Variants in NUTM2G observed in about 807,000 individuals in gnomAD.
NUTM2G encodes NUT family member 2G.
In NUTM2G, 29 loss-of-function variants were observed where a neutral mutation model predicts 44.3. The ratio of observed to expected loss-of-function variants is 0.66; its 90% CI spans 0.49 to 0.89. The LOEUF is 0.89. Among genes scored for constraint, NUTM2G ranks in the 40% least tolerant of loss-of-function variants. The probability of loss-of-function intolerance (pLI) is 0.00; values close to 1 mark genes in which losing one functional copy is unlikely to be tolerated. For synonymous variants in NUTM2G, 205 were observed against 395.9 expected (o/e 0.52, Z 5.72); for missense variants, 502 against 946.5 (o/e 0.53, Z 6.16).
chr9:96,937,170 C>T lies in NUTM2G; in HGVS notation c.1089C>T (p.Pro363=). Residue 363 remains proline (P), a synonymous_variant, in exon 5 of 7, where the codon CCC becomes CCT. Coordinates refer to ENST00000372322, the MANE Select transcript of NUTM2G (RefSeq NM_001170741.3). The part of the protein sequence containing the change: ...ETKAHLPPPR[P]PRPAETKVPE... ...AGGCCCACCTGCCACCACCCAGGCC[C>T]CCGAGGCCAGCAGAGACCAAGGTCC... The T allele has an allele frequency of 6.2e-7, 1 of 1,612,484 alleles. No homozygotes were observed. Among genetic ancestry groups the T allele is most frequent in the Non-Finnish European group, 8.5e-7 (1 of 1,179,858 alleles).
intron 4 of NUTM2G, 74 bp downstream of exon 4, chr9:96,936,638 C>T: frequency 6.6e-7 from 1 of 1,510,292 alleles, no homozygotes; most frequent in Non-Finnish European, 8.8e-7. Flanking sequence ...GTCCCCACAT[C>T]CCATGCTTCC....
intron 5 of NUTM2G, among the ~76,000 whole-genome samples, chr9:96,937,614 GGT>G (rs1488738025): frequency 2.6e-5 from 4 of 152,070 alleles, no homozygotes; most frequent in African/African-American, 4.8e-5. Context: ...TGTGGGTGTG[GGT>G]GTGAGTCTGG....
Position 96,931,875 on chromosome 9 carries a change from C to CT in NUTM2G, c.171dup (p.Ala58CysfsTer91), listed in dbSNP as rs1187409674. On this transcript the variant is annotated frameshift_variant, in exon 2 of 7. Coordinates refer to ENST00000372322, the MANE Select transcript of NUTM2G (RefSeq NM_001170741.3). LOFTEE classifies it high-confidence loss of function. ...CCTCCAGCCGGCCCTCTGGTGCTCT[C>CT]TGCCTTCCCCAGCACCCCTCTAGTG... The CT allele has an allele frequency of 6.2e-7, 1 of 1,612,346 alleles. No homozygotes were observed. The highest frequency in any genetic ancestry group is 8.5e-7 in the Non-Finnish European group (1 of 1,179,864).
downstream of NUTM2G, chr9:96,940,201 C>T (rs1358155748): frequency 1.3e-5 from 2 of 148,316 alleles, no homozygotes. Flanking sequence ...GGGGCCCAGG[C>T]CGAGAGGGGC....
Position 96,938,532 on chromosome 9 carries a change from C to T in NUTM2G, c.1609C>T (p.Pro537Ser), listed in dbSNP as rs2119044936. Reference sequence around the variant, plus strand: ...AAGGGTCAGCGTGGAAACCTCCCCACCCCAGACGGCTGCCCAGGACCCTCA... The same window carrying T: ...AAGGGTCAGCGTGGAAACCTCCCCATCCCAGACGGCTGCCCAGGACCCTCA... ...QQRVSVETSP[P>S]QTAAQDPQGQ... The change falls in exon 7 of 7, where the codon CCC becomes TCC. Residue 537 changes from proline (P) to serine (S), a missense_variant. Pro to Ser is a moderately conservative substitution (Grantham distance 74). Coordinates refer to ENST00000372322, the MANE Select transcript of NUTM2G (RefSeq NM_001170741.3). 2 of 1,613,636 alleles carry T rather than the reference C, an allele frequency of 1.2e-6. No individual in the cohort carries two copies. The highest frequency in any genetic ancestry group is 1.1e-5 in the South Asian group (1 of 91,070).
Position 96,932,433 on chromosome 9 carries a change from G to C in NUTM2G, c.713+15G>C. On this transcript the variant is annotated intron_variant, in intron 2 of 6. Transcript: ENST00000372322. ...TGCTTCCTCATGTGAGTGTCCTCGG[G>C]GCGCCGGAGCTTGTCCTGCAGCTCA... 6.5e-7 allele frequency: 1 copy of C among 1,527,848 alleles called. No homozygotes were observed. The allele number at this position is 1,527,848 out of a possible 1,614,324, so 94.6% of individuals were successfully genotyped here. A position where few individuals can be genotyped will look rare whatever the true frequency, so the allele number is the denominator to read the frequency against.
chr9:96,932,959 CTTTCTTTTCTTTTCT>C (rs1171504742), intron 2 of NUTM2G, among the ~76,000 whole-genome samples: 2 of 148,894 alleles, frequency 1.3e-5, no homozygotes, highest in Non-Finnish European at 3.0e-5. Context: ...CCAATACTTA[CTTTCTTTTCTTTTCT>C]TTTCTTTTTT....
chr9:96,929,776 G>A (rs989848032), intron 1 of NUTM2G, among the ~76,000 whole-genome samples: 26 of 152,092 alleles, frequency 1.7e-4, no homozygotes, highest in Non-Finnish European at 3.1e-4. Flanking sequence ...ACTTCCTCTC[G>A]TCAGCTAGCT....
chr9:96,936,535 C>A lies in NUTM2G; in HGVS notation c.953C>A (p.Pro318His). ...PAPPRLEPRG[P>H]PAPEVVKQPV... ...CCGCCGAGGCTTGAACCTCGAGGAC[C>A]CCCTGCCCCTGAGGTGGTCAAGCAG... Residue 318 changes from proline to histidine, a missense_variant, in exon 4 of 7, where the codon CCC becomes CAC. Pro to His is a moderately conservative substitution (Grantham distance 77). Coordinates refer to ENST00000372322, the MANE Select transcript of NUTM2G (RefSeq NM_001170741.3). 3 of 1,553,964 alleles carry A rather than the reference C, an allele frequency of 1.9e-6. No homozygotes were observed. Among genetic ancestry groups the A allele is most frequent in the Non-Finnish European group, 2.6e-6 (3 of 1,157,598 alleles).
intron 3 of NUTM2G, among the ~76,000 whole-genome samples, chr9:96,935,657 G>A (rs892809126): frequency 1.3e-5 from 2 of 152,212 alleles, no homozygotes; most frequent in African/African-American, 2.4e-5. Flanking sequence ...CTCTTGGGAA[G>A]CACCCCCTGC....
intron 2 of NUTM2G, 102 bp from the exon 3 acceptor site, chr9:96,935,226 G>T: frequency 6.5e-7 from 1 of 1,537,378 alleles, no homozygotes; most frequent in Non-Finnish European, 8.9e-7. Flanking sequence ...AGGGACAGAT[G>T]GCAGGACAGG....
chr9:96,935,179 C>A, intron 2 of NUTM2G, 149 bp from the exon 3 acceptor site: 1 of 1,416,238 alleles, frequency 7.1e-7, no homozygotes, highest in South Asian at 1.3e-5. Flanking sequence ...GGGGTGTGTC[C>A]TGGAGGCTGA....
At position 96,937,251 on chromosome 9, in the gene NUTM2G, G is replaced by A; in HGVS notation, c.1170G>A (p.Leu390=). ...VQEYVDIMEE[L]LGSHPGDTGE... The stretch of plus-strand genomic sequence containing the variant: ...AGTATGTGGACATCATGGAGGAGCT[G>A]CTGGGGTCTCACCCTGGGGACACAG... The change falls in exon 5 of 7, where the codon CTG becomes CTA. Residue 390 remains leucine, a synonymous_variant. Transcript: ENST00000372322. 11 of 1,613,476 alleles carry A rather than the reference G, an allele frequency of 6.8e-6. No homozygotes were observed. Among genetic ancestry groups the A allele is most frequent in the Non-Finnish European group, 5.9e-6 (7 of 1,179,850 alleles).
chr9:96,929,184 T>G (rs1296237132), intron 1 of NUTM2G, 144 bp downstream of exon 1: 9 of 1,294,224 alleles, frequency 7.0e-6, no homozygotes, highest in Non-Finnish European at 9.9e-6. Context: ...CACCTGGGGA[T>G]GGCCATGGCA....
intron 3 of NUTM2G, 71 bp from the exon 4 acceptor site, chr9:96,936,354 G>T (rs2257632): frequency 6.5e-7 from 1 of 1,537,428 alleles, no homozygotes. Flanking sequence ...CCCTGCCCTC[G>T]GCTGCTGCCT....
intron 1 of NUTM2G, among the ~76,000 whole-genome samples, chr9:96,929,971 T>TATC (rs1214098423): frequency 1.3e-5 from 2 of 151,958 alleles, no homozygotes; most frequent in Admixed American, 1.3e-4. Flanking sequence ...AAGACAGTCC[T>TATC]ATTATTATTA....
chr9:96,942,054 G>A (rs2119051783), downstream of NUTM2G, among the ~76,000 whole-genome samples: 1 of 151,996 alleles, frequency 6.6e-6, no homozygotes, highest in Non-Finnish European at 1.5e-5. Context: ...GGGAGCCAGT[G>A]CAGTTGGGGC....
At chr9:96,931,090 G>A (rs1169146486) in intron 1 of NUTM2G, among the ~76,000 whole-genome samples, 1 of 151,746 alleles carries the variant, frequency 6.6e-6, no homozygotes, top group African/African-American at 2.4e-5. Context: ...GTTTCACCAC[G>A]TTGGCCAGAC....
Position 96,935,399 on chromosome 9 carries a change from G to T in NUTM2G, c.785G>T (p.Arg262Leu). 1 of 1,612,056 alleles carries T rather than the reference G, an allele frequency of 6.2e-7. No individual in the cohort carries two copies. The highest frequency in any genetic ancestry group is 8.5e-7 in the Non-Finnish European group (1 of 1,179,866). ...GAGGAGGGACTGTGGCGGGCCATGC[G>T]GGAATGGCAGCACACGAGCAACTTT... ...TLEEGLWRAM[R>L]EWQHTSNFDR... Residue 262 changes from arginine to leucine, a missense_variant, in exon 3 of 7, where the codon CGG (arginine) becomes CTG (leucine). Physicochemically the swap from Arg to Leu is moderately radical, Grantham distance 102. Coordinates refer to ENST00000372322, the MANE Select transcript of NUTM2G (RefSeq NM_001170741.3).
Sources: gnomAD v4.1 joint callset for allele counts (sites outside exome capture counted in the v4.1 genomes callset) on GRCh38, gnomAD v4.1.1 for gene constraint, MANE v1.5 for transcripts, NCBI Gene and HGNC (gene_info 2026-07-23, HGNC 2026-07-21) for gene names.